Variants in GALNT1 observed in about 807,000 individuals in gnomAD.
The protein encoded by GALNT1 is GalNAc transferase 1.
Under a neutral mutation model 65.7 loss-of-function variants are expected in GALNT1, and 17 were observed. That is an observed-to-expected ratio of 0.26 (90% CI 0.18 to 0.39). The LOEUF is 0.39. GALNT1 is among the 10% of genes least tolerant of loss of function. The pLI is 1.00. For missense variants in GALNT1, 460 were observed against 672.8 expected (o/e 0.68, Z 3.50); for synonymous variants, 210 against 219.7 (o/e 0.96, Z 0.39).
intron 1 of GALNT1, among the ~76,000 whole-genome samples, chr18:35,590,779 G>T (rs892926292): frequency 2.0e-5 from 3 of 152,162 alleles, no homozygotes; most frequent in African/African-American, 7.2e-5. Flanking sequence ...CCCATGCGTG[G>T]CAGGGACTGT....
intron 9 of GALNT1, among the ~76,000 whole-genome samples, chr18:35,696,416 G>A (rs475231): frequency 0.61 from 93,358 of 152,162 alleles, 29,201 homozygotes; most frequent in Middle Eastern, 0.71. Context: ...TATAATTTAG[G>A]GCATCTGGCT....
intron 1 of GALNT1, among the ~76,000 whole-genome samples, chr18:35,636,808 T>TC (rs1555646653): frequency 6.7e-5 from 9 of 134,726 alleles, no homozygotes; most frequent in East Asian, 4.1e-4. Flanking sequence ...TTTTTTTTTT[T>TC]CAACAAATGG....
chr18:35,701,926 G>T (rs886416506), intron 9 of GALNT1, among the ~76,000 whole-genome samples: 1 of 152,146 alleles, frequency 6.6e-6, no homozygotes, highest in Non-Finnish European at 1.5e-5. Context: ...GCTGGACTCT[G>T]AATTAGGTGC....
At chr18:35,636,714 G>T (rs2047093089) in intron 1 of GALNT1, among the ~76,000 whole-genome samples, 1 of 148,132 alleles carries the variant, frequency 6.8e-6, no homozygotes, top group Non-Finnish European at 1.5e-5. Context: ...GAAATGAGTT[G>T]TGACTCAAAA....
At chr18:35,625,574 G>C (rs1169638867) in intron 1 of GALNT1, among the ~76,000 whole-genome samples, 2 of 152,182 alleles carry the variant, frequency 1.3e-5, no homozygotes, top group Non-Finnish European at 2.9e-5. Context: ...AAGACTTCTT[G>C]TGCAGAAGAT....
chr18:35,682,737 A>G (rs1396014107), intron 4 of GALNT1, among the ~76,000 whole-genome samples: 1 of 150,134 alleles, frequency 6.7e-6, no homozygotes. Flanking sequence ...ACACCCACAT[A>G]CTCTCCCTTT....
chr18:35,675,761 A>G (rs2047702642), intron 3 of GALNT1, among the ~76,000 whole-genome samples: 1 of 152,178 alleles, frequency 6.6e-6, no homozygotes, highest in Admixed American at 6.5e-5. Context: ...CAATTCTACA[A>G]TAATAATAAG....
At chr18:35,668,052 T>A (rs529860729) in intron 3 of GALNT1, among the ~76,000 whole-genome samples, 1 of 152,340 alleles carries the variant, frequency 6.6e-6, no homozygotes, top group East Asian at 1.9e-4. Flanking sequence ...TGTAGCTAAT[T>A]CCATGCTTAG....
chr18:35,590,732 G>C (rs1428104115), intron 1 of GALNT1, among the ~76,000 whole-genome samples: 1 of 152,128 alleles, frequency 6.6e-6, no homozygotes, highest in Non-Finnish European at 1.5e-5. Flanking sequence ...AAGAATTAGT[G>C]AGTTATCAGT....
At chr18:35,685,659 G>A (rs936011023) in intron 5 of GALNT1, among the ~76,000 whole-genome samples, 2 of 152,128 alleles carry the variant, frequency 1.3e-5, no homozygotes, top group East Asian at 3.9e-4. Flanking sequence ...TTATTTATTG[G>A]AAAAAGGAAA....
intron 1 of GALNT1, among the ~76,000 whole-genome samples, chr18:35,653,474 A>G (rs1377239044): frequency 6.6e-6 from 1 of 152,170 alleles, no homozygotes; most frequent in African/African-American, 2.4e-5. Context: ...TCTTGCCCAC[A>G]TTCTGGTCCT....
At chr18:35,636,625 A>G (rs1045508699) in intron 1 of GALNT1, among the ~76,000 whole-genome samples, 3 of 152,128 alleles carry the variant, frequency 2.0e-5, no homozygotes, top group Non-Finnish European at 4.4e-5. Context: ...GTGGGTCGTT[A>G]CATTCATGCT....
At chr18:35,671,384 T>C (rs1362350703) in intron 3 of GALNT1, among the ~76,000 whole-genome samples, 1 of 152,124 alleles carries the variant, frequency 6.6e-6, no homozygotes, top group Non-Finnish European at 1.5e-5. Context: ...ACTCGGCTAA[T>C]TTTTTAAACG....
rs573124390 is a variant in GALNT1, at chr18:35,638,246, G to C, written c.-103-16314G>C. 4.6e-5 allele frequency among the ~76,000 whole-genome samples: 7 copies of C among 152,292 alleles called. No individual in the cohort carries two copies. The South Asian group carries it at 1.5e-3, about 32-fold the overall frequency. ...GGTCTGACCCACAGACCCCGACCAA[G>C]CGATGGATGAACGGATGCACTCAGA... On this transcript the variant is annotated intron_variant, in intron 1 of 11. Coordinates refer to ENST00000269195, the MANE Select transcript of GALNT1 (RefSeq NM_020474.4).
At chr18:35,622,479 T>C (rs1019897865) in intron 1 of GALNT1, among the ~76,000 whole-genome samples, 1 of 150,630 alleles carries the variant, frequency 6.6e-6, no homozygotes, top group African/African-American at 2.5e-5. Context: ...CTCGAACTCC[T>C]GGATTCAAAT....
chr18:35,649,878 G>A (rs1030962392), intron 1 of GALNT1, among the ~76,000 whole-genome samples: 1 of 150,918 alleles, frequency 6.6e-6, no homozygotes, highest in Admixed American at 6.6e-5. Context: ...AGAGAGCAGG[G>A]CTTGGCTTAG....
upstream of GALNT1, chr18:35,581,388 G>A (rs1441500902): frequency 6.7e-6 from 1 of 149,392 alleles, no homozygotes; most frequent in Non-Finnish European, 1.5e-5. Flanking sequence ...GGGGAGCGTC[G>A]CGGCCCCGCG....
chr18:35,647,465 T>C (rs1051463085), intron 1 of GALNT1, among the ~76,000 whole-genome samples: 1 of 152,222 alleles, frequency 6.6e-6, no homozygotes, highest in African/African-American at 2.4e-5. Flanking sequence ...ATTATAGTTC[T>C]GTTTGAGAAA....
At chr18:35,600,918 G>A (rs913188149) in intron 1 of GALNT1, among the ~76,000 whole-genome samples, 14 of 151,976 alleles carry the variant, frequency 9.2e-5, no homozygotes, top group African/African-American at 3.1e-4. Flanking sequence ...TTGTGTCCTT[G>A]TCTGTTTTTG....
Sources: gnomAD v4.1 joint callset for allele counts (sites outside exome capture counted in the v4.1 genomes callset) on GRCh38, gnomAD v4.1.1 for gene constraint, MANE v1.5 for transcripts, NCBI Gene and HGNC (gene_info 2026-07-23, HGNC 2026-07-21) for gene names.